C14orf39: variants seen among roughly 807,000 people sequenced by gnomAD.
The protein encoded by C14orf39 is chromosome 14 open reading frame 39, also known as protein SIX6OS1.
C14orf39 carries 66 observed loss-of-function variants against 85.6 expected under a neutral mutation model. The observed-to-expected ratio is 0.77, with a 90% confidence interval of 0.63 to 0.95. The LOEUF is 0.95. Ranked by LOEUF, C14orf39 falls within the 40% of genes least tolerant of loss-of-function variation. The probability of loss-of-function intolerance (pLI) is 0.00; values close to 1 mark genes in which losing one functional copy is unlikely to be tolerated. For missense variants in C14orf39, 735 were observed against 663.9 expected (o/e 1.11, Z -1.18); for synonymous variants, 242 against 214.0 (o/e 1.13, Z -1.14).
At chr14:60,465,296 G>A (rs1891731676) in intron 11 of C14orf39, among the ~76,000 whole-genome samples, 1 of 152,058 alleles carries the variant, frequency 6.6e-6, no homozygotes, top group Non-Finnish European at 1.5e-5. Flanking sequence ...TTTTCATTGA[G>A]GCTTTCCCTC....
chr14:60,445,705 A>G (rs971089048), intron 16 of C14orf39, among the ~76,000 whole-genome samples: 1 of 152,174 alleles, frequency 6.6e-6, no homozygotes, highest in African/African-American at 2.4e-5. Context: ...CTCTGCACCA[A>G]ATGGGCCTAA....
intron 11 of C14orf39, among the ~76,000 whole-genome samples, chr14:60,462,023 T>TAG (rs1245222356): frequency 6.6e-6 from 1 of 152,090 alleles, no homozygotes; most frequent in Non-Finnish European, 1.5e-5. Context: ...AGCTGAAACT[T>TAG]TCCTTTTTAT....
chr14:60,443,498 G>A (rs1890620141), intron 16 of C14orf39, among the ~76,000 whole-genome samples: 1 of 152,322 alleles, frequency 6.6e-6, no homozygotes, highest in African/African-American at 2.4e-5. Context: ...TGAGGCTTGA[G>A]TAGGTAAACA....
chr14:60,509,825 C>T lies in C14orf39; in HGVS notation c.-144+5570G>A. On this transcript the variant is annotated intron_variant, in intron 1 of 5. Coordinates refer to the C14orf39 transcript ENST00000556799. ...CTTCAAGGAGCGCACGCGGCACCTG[C>T]TACGCGAGTGGTACCTGCAGGATCC... 2 of 1,613,922 alleles carry T rather than the reference C, an allele frequency of 1.2e-6. No individual in the cohort carries two copies. The highest frequency in any genetic ancestry group is 3.3e-4 in the Middle Eastern group (2 of 6,062).
intron 7 of C14orf39, among the ~76,000 whole-genome samples, chr14:60,470,006 G>A (rs2140118057): frequency 6.8e-6 from 1 of 147,430 alleles, no homozygotes; most frequent in South Asian, 2.2e-4. Flanking sequence ...CATAATTCAG[G>A]CCCAAATTTA....
In C14orf39 at chr14:60,467,003, G is replaced by T; in HGVS notation, c.809C>A (p.Thr270Asn). The T allele has an allele frequency of 6.9e-7, 1 of 1,452,650 alleles. No homozygotes were observed. Among genetic ancestry groups the T allele is most frequent in the South Asian group, 1.5e-5 (1 of 65,592 alleles). The allele number at this position is 1,452,650 out of a possible 1,614,324, so 90.0% of individuals were successfully genotyped here. A position where few individuals can be genotyped will look rare whatever the true frequency, so the allele number is the denominator to read the frequency against. Residue 270 changes from threonine (T) to asparagine (N), a missense_variant, in exon 10 of 18, where the codon ACT becomes AAT. Thr to Asn is a moderately conservative substitution (Grantham distance 65). Coordinates refer to ENST00000321731, the MANE Select transcript of C14orf39 (RefSeq NM_174978.3). ...KDEHVLTLNK[T>N]QSSQLFLPYE... The stretch of plus-strand genomic sequence containing the variant: ...AGGAAGAAATAATTGACTGCTTTGA[G>T]TTTTATTCAATGTAAGTACATGCTC...
intron 13 of C14orf39, among the ~76,000 whole-genome samples, chr14:60,459,244 T>C (rs1337713602): frequency 2.6e-5 from 4 of 151,832 alleles, no homozygotes; most frequent in Admixed American, 6.6e-5. Flanking sequence ...TGATGTAAAG[T>C]ATTCCATTGC....
At chr14:60,478,266 T>G in intron 5 of C14orf39, 34 bp downstream of exon 5, 1 of 1,106,872 alleles carries the variant, frequency 9.0e-7, no homozygotes, top group Non-Finnish European at 1.3e-6. Context: ...AATACAAACT[T>G]ATAGAATTGA....
intron 2 of C14orf39, among the ~76,000 whole-genome samples, chr14:60,492,491 G>A (rs369000783): frequency 2.6e-5 from 4 of 151,796 alleles, no homozygotes; most frequent in African/African-American, 4.8e-5. Flanking sequence ...AATGAAGTAC[G>A]GGCCCGGCGC....
chr14:60,440,293 C>T (rs1485499363), intron 17 of C14orf39, among the ~76,000 whole-genome samples: 1 of 151,578 alleles, frequency 6.6e-6, no homozygotes, highest in Non-Finnish European at 1.5e-5. Context: ...TAAAACACTT[C>T]CTAAATGAAA....
chr14:60,480,643 T>C (rs1892596638), intron 4 of C14orf39, among the ~76,000 whole-genome samples: 1 of 152,190 alleles, frequency 6.6e-6, no homozygotes, highest in African/African-American at 2.4e-5. Context: ...ATCGAAGAGA[T>C]ATCTGCCCTC....
At position 60,477,636 on chromosome 14, in the gene C14orf39, C is replaced by T. The variant is rs532825461; in HGVS notation, c.323+664G>A. Among the ~76,000 whole-genome samples, 40 of 152,216 alleles carry T rather than the reference C, an allele frequency of 2.6e-4. No homozygotes were observed. The South Asian group carries it at 7.7e-3, about 29-fold the overall frequency. On this transcript the variant is annotated intron_variant, in intron 5 of 17. Transcript: ENST00000321731. ...AAAAACAGAAGTTTGATATAAAATA[C>T]CATTCAGAAATCAATATCCCAAATT...
intron 16 of C14orf39, among the ~76,000 whole-genome samples, chr14:60,452,217 G>A (rs1891073084): frequency 6.7e-6 from 1 of 148,368 alleles, no homozygotes; most frequent in South Asian, 2.1e-4. Flanking sequence ...AACCACAATC[G>A]AAAAAGAGAC....
At chr14:60,476,201 A>C (rs1892370159) in intron 5 of C14orf39, among the ~76,000 whole-genome samples, 1 of 152,176 alleles carries the variant, frequency 6.6e-6, no homozygotes, top group South Asian at 2.1e-4. Context: ...CCAGGGAAGA[A>C]ATACCTATAA....
chr14:60,452,663 T>C (rs931765131), intron 16 of C14orf39, among the ~76,000 whole-genome samples: 1 of 152,158 alleles, frequency 6.6e-6, no homozygotes, highest in Non-Finnish European at 1.5e-5. Context: ...GGATTATTTG[T>C]AGGACAAAGA....
At chr14:60,449,660 A>T (rs1465941654) in intron 16 of C14orf39, among the ~76,000 whole-genome samples, 1 of 152,098 alleles carries the variant, frequency 6.6e-6, no homozygotes, top group Non-Finnish European at 1.5e-5. Context: ...TCAAATAATC[A>T]ACTTTGACTT....
At chr14:60,469,324 T>C (rs1479579718) in intron 8 of C14orf39, among the ~76,000 whole-genome samples, 1 of 147,732 alleles carries the variant, frequency 6.8e-6, no homozygotes, top group East Asian at 1.9e-4. Context: ...TACAAATTAA[T>C]ATAAAATATA....
At chr14:60,511,678 GA>G (rs1242825357) in intron 1 of C14orf39, 3 of 270,630 alleles carry the variant, frequency 1.1e-5, no homozygotes, top group African/African-American at 6.7e-5. Context: ...ACTTATTTAA[GA>G]GACCGCCATG....
chr14:60,495,691 C>T (rs1044322228), intron 2 of C14orf39: 17 of 195,314 alleles, frequency 8.7e-5, no homozygotes, highest in African/African-American at 4.0e-4. Context: ...AGACAGAAAA[C>T]ATGAAGGGTT....
Sources: gnomAD v4.1 joint callset for allele counts (sites outside exome capture counted in the v4.1 genomes callset) on GRCh38, gnomAD v4.1.1 for gene constraint, MANE v1.5 for transcripts, NCBI Gene and HGNC (gene_info 2026-07-23, HGNC 2026-07-21) for gene names.